FBN1: variants seen among roughly 807,000 people sequenced by gnomAD.
The protein encoded by FBN1 is fibrillin 1, also known as fibrillin-1.
A neutral mutation model predicts 365.1 loss-of-function variants in FBN1; 29 were observed. The ratio of observed to expected loss-of-function variants is 0.08; its 90% CI spans 0.06 to 0.11. The LOEUF is 0.11. Ranked by LOEUF, FBN1 falls within the 10% of genes least tolerant of loss-of-function variation. The probability of loss-of-function intolerance (pLI) is 1.00; values close to 1 mark genes in which losing one functional copy is unlikely to be tolerated. For missense variants in FBN1, 2,476 were observed against 3,703.2 expected (o/e 0.67, Z 8.60); for synonymous variants, 1,210 against 1,270.5 (o/e 0.95, Z 1.01).
chr15:48,531,591 T>C (rs2043973680), intron 8 of FBN1, among the ~76,000 whole-genome samples: 1 of 152,158 alleles, frequency 6.6e-6, no homozygotes, highest in African/African-American at 2.4e-5. Context: ...AGGGAACATA[T>C]TCAGTGATTA....
intron 34 of FBN1, 133 bp downstream of exon 34, chr15:48,474,114 TCCCACAGA>T: frequency 7.7e-7 from 1 of 1,290,792 alleles, no homozygotes; most frequent in Non-Finnish European, 1.1e-6. Flanking sequence ...ATTTTTTTTT[TCCCACAGA>T]GCTCTAGTGC....
At chr15:48,629,909 C>T (rs1171961126) in intron 2 of FBN1, among the ~76,000 whole-genome samples, 1 of 152,190 alleles carries the variant, frequency 6.6e-6, no homozygotes, top group Non-Finnish European at 1.5e-5. Context: ...ATCTGTTACG[C>T]AGCTCAACAT....
Position 48,485,494 on chromosome 15 carries a change from T to A in FBN1, c.3592A>T (p.Ile1198Phe). The A allele has an allele frequency of 6.2e-7, 1 of 1,614,180 alleles. No homozygotes were observed. The highest frequency in any genetic ancestry group is 8.5e-7 in the Non-Finnish European group (1 of 1,180,008). ...STPDRLFCVD[I>F]DECSIMNGGC... ...CCATTCATTATGCTGCATTCATCAATGTCTAAAAGAAATGAAAATAATATC... is the reference window on the plus strand; with the variant it reads ...CCATTCATTATGCTGCATTCATCAAAGTCTAAAAGAAATGAAAATAATATC... Residue 1198 changes from isoleucine (I) to phenylalanine (F), a missense_variant and splice_region_variant, in exon 30 of 66, where the codon ATT becomes TTT. Coordinates refer to ENST00000316623, the MANE Select transcript of FBN1 (RefSeq NM_000138.5).
In FBN1 at chr15:48,409,971, A is replaced by G. The variant is rs2042847257; in HGVS notation, c.*1019T>C. The stretch of plus-strand genomic sequence containing the variant: ...TATACATTTGGTACTTTCATAAGCC[A>G]TAAGTAAGAGACCCAGGATAATTTA... On this transcript the variant is annotated 3_prime_UTR_variant, in exon 66 of 66. Transcript: ENST00000316623. The G allele has an allele frequency of 6.6e-6, 1 of 152,628 alleles. No homozygotes were observed. The highest frequency in any genetic ancestry group is 2.4e-5 in the African/African-American group (1 of 41,472). The allele number at this position is 152,628 out of a possible 1,614,324, so 9.5% of individuals were successfully genotyped here.
chr15:48,417,444 C>G (rs1302520188), intron 63 of FBN1, among the ~76,000 whole-genome samples: 9 of 66,136 alleles, frequency 1.4e-4, no homozygotes, highest in African/African-American at 6.6e-4. Flanking sequence ...CCTCCCCTCC[C>G]TCCTTTCCTT....
chr15:48,600,768 T>C (rs761430611), intron 4 of FBN1, among the ~76,000 whole-genome samples: 2 of 152,236 alleles, frequency 1.3e-5, no homozygotes, highest in Non-Finnish European at 2.9e-5. Flanking sequence ...TAGTGCTAAA[T>C]GACTTCTTTA....
intron 6 of FBN1, among the ~76,000 whole-genome samples, chr15:48,559,549 C>T (rs979239504): frequency 6.6e-6 from 1 of 152,168 alleles, no homozygotes; most frequent in Non-Finnish European, 1.5e-5. Flanking sequence ...CCTCAAGAAC[C>T]TCTGCCAACC....
At chr15:48,632,970 T>C (rs1260557445) in intron 2 of FBN1, among the ~76,000 whole-genome samples, 1 of 152,168 alleles carries the variant, frequency 6.6e-6, no homozygotes, top group Non-Finnish European at 1.5e-5. Flanking sequence ...CCATGAAAGA[T>C]TAAAAAACTA....
chr15:48,441,101 T>C (rs1219219723), intron 50 of FBN1, among the ~76,000 whole-genome samples: 1 of 152,226 alleles, frequency 6.6e-6, no homozygotes, highest in East Asian at 1.9e-4. Context: ...CTTAAGTACA[T>C]ACTGTGTTAT....
chr15:48,496,099 C>T lies in FBN1; in HGVS notation c.2419+1G>A, dbSNP rs1555399257. 6.2e-7 allele frequency: 1 copy of T among 1,613,634 alleles called. No homozygotes were observed. The highest frequency in any genetic ancestry group is 8.5e-7 in the Non-Finnish European group (1 of 1,179,734). On this transcript the variant is annotated splice_donor_variant, in intron 20 of 65. Coordinates refer to ENST00000316623, the MANE Select transcript of FBN1 (RefSeq NM_000138.5). LOFTEE classifies it high-confidence loss of function. ...AGTATAAGAACAAAAATATGGTTTA[C>T]CTTCACATGTTTTTAGATCAGGTTT...
At chr15:48,493,593 G>C (rs1333544019) in intron 23 of FBN1, among the ~76,000 whole-genome samples, 1 of 152,202 alleles carries the variant, frequency 6.6e-6, no homozygotes, top group Non-Finnish European at 1.5e-5. Flanking sequence ...TGGAAAGCAA[G>C]ACCTTGGGTG....
intron 6 of FBN1, among the ~76,000 whole-genome samples, chr15:48,594,076 G>A (rs569074844): frequency 9.2e-5 from 14 of 152,220 alleles, no homozygotes; most frequent in African/African-American, 3.4e-4. Flanking sequence ...TTGAAATCAC[G>A]AACATACATC....
chr15:48,474,289 C>T lies in FBN1; in HGVS notation c.4176G>A (p.Lys1392=), dbSNP rs141633998. ...NTMGSYRCLC[K]EGYTGDGFTC... The stretch of plus-strand genomic sequence containing the variant: ...TGAAGCCATCACCTGTGTATCCTTC[C>T]TTGCACAGACAGCGGTAAGATCCCA... The change falls in exon 34 of 66, where the codon AAG becomes AAA. Residue 1392 remains lysine, a synonymous_variant. Transcript: ENST00000316623. 29 of 1,614,112 alleles carry T rather than the reference C, an allele frequency of 1.8e-5. No individual in the cohort carries two copies. The African/African-American group carries it at 3.2e-4, about 18-fold the overall frequency.
chr15:48,613,182 T>C, intron 2 of FBN1, 90 bp from the exon 3 acceptor site: 1 of 988,082 alleles, frequency 1.0e-6, no homozygotes, highest in Non-Finnish European at 1.6e-6. Context: ...TCCTGAGTTA[T>C]AAAAGCAAGA....
intron 6 of FBN1, among the ~76,000 whole-genome samples, chr15:48,546,929 C>T (rs769416541): frequency 3.3e-5 from 5 of 152,082 alleles, no homozygotes; most frequent in South Asian, 2.1e-4. Context: ...TTTGCTGAAA[C>T]GGGGAAACTA....
intron 40 of FBN1, among the ~76,000 whole-genome samples, chr15:48,464,479 G>A (rs2043304507): frequency 1.3e-5 from 2 of 152,070 alleles, no homozygotes; most frequent in African/African-American, 4.8e-5. Flanking sequence ...TCATGCCATT[G>A]CACTCCAGCC....
At chr15:48,488,857 A>G (rs2043532082) in intron 25 of FBN1, among the ~76,000 whole-genome samples, 1 of 152,206 alleles carries the variant, frequency 6.6e-6, no homozygotes, top group South Asian at 2.1e-4. Context: ...TTATTAGAAT[A>G]TATTATCCTA....
chr15:48,621,785 G>A (rs1040408248), intron 2 of FBN1, among the ~76,000 whole-genome samples: 1 of 150,948 alleles, frequency 6.6e-6, no homozygotes, highest in Non-Finnish European at 1.5e-5. Flanking sequence ...TCAGGAGATC[G>A]AGACCATCCT....
At chr15:48,641,167 T>C (rs1215912513) in intron 2 of FBN1, 3 of 151,994 alleles carry the variant, frequency 2.0e-5, no homozygotes, top group African/African-American at 7.2e-5. Context: ...CTGATTCCAT[T>C]TTTAAAAAAG....
Sources: allele counts gnomAD v4.1 joint callset (sites outside exome capture counted in the v4.1 genomes callset), GRCh38; gene constraint gnomAD v4.1.1; transcripts MANE v1.5; gene names NCBI Gene and HGNC (gene_info 2026-07-23, HGNC 2026-07-21).